C20orf96: variants seen among roughly 807,000 people sequenced by gnomAD.
C20orf96 encodes the protein uncharacterized protein C20orf96.
In C20orf96, 57 loss-of-function variants were observed where a neutral mutation model predicts 52.6. The observed-to-expected ratio is 1.08, with a 90% CI of 0.88 to 1.35. The LOEUF (loss-of-function observed/expected upper bound fraction) is 1.35, where lower values mean the gene tolerates loss of function less well. Among genes scored for constraint, C20orf96 ranks in the 40% most tolerant of loss-of-function variants. The pLI, the probability that C20orf96 is intolerant of heterozygous loss-of-function variation, is 0.00. For missense variants in C20orf96, 478 were observed against 443.6 expected (o/e 1.08, Z -0.70); for synonymous variants, 168 against 157.2 (o/e 1.07, Z -0.51).
rs1438732147 is a variant in C20orf96, at chr20:279,384, C to T, written c.307-54G>A. 38 of 1,549,098 alleles carry T rather than the reference C, an allele frequency of 2.5e-5. 1 individual carries two copies. Among genetic ancestry groups the T allele is most frequent in the South Asian group, 4.6e-5 (4 of 86,786 alleles). Reference sequence around the variant, plus strand: ...GGCGCTGCGCCCTGCCCGGCCTGAGCCCCCGAAAGCCCGTGGACCCGCCGC... The same window carrying T: ...GGCGCTGCGCCCTGCCCGGCCTGAGTCCCCGAAAGCCCGTGGACCCGCCGC... On this transcript the variant is annotated intron_variant, in intron 4 of 10. Transcript: ENST00000360321.
At chr20:279,444 T>G in intron 4 of C20orf96, 114 bp from the exon 5 acceptor site, 1 of 1,207,376 alleles carries the variant, frequency 8.3e-7, no homozygotes, top group Non-Finnish European at 1.1e-6. Context: ...CCGTGCGGCC[T>G]CCTGCTGGTA....
Position 279,152 on chromosome 20 carries a change from G to A in C20orf96, c.465+20C>T, listed in dbSNP as rs1298702578. The stretch of plus-strand genomic sequence containing the variant: ...GTTGGGACGGAGGGACGGAGGGCGG[G>A]CGGATGCCGCGGGTCTCACCGCCAG... On this transcript the variant is annotated intron_variant, in intron 5 of 10. Coordinates refer to ENST00000360321, the MANE Select transcript of C20orf96 (RefSeq NM_153269.3). 6.4e-7 allele frequency: 1 copy of A among 1,564,804 alleles called. No homozygotes were observed. Among genetic ancestry groups the A allele is most frequent in the Non-Finnish European group, 8.6e-7 (1 of 1,162,546 alleles).
chr20:283,574 G>C (rs920775560), intron 4 of C20orf96, among the ~76,000 whole-genome samples: 1 of 152,026 alleles, frequency 6.6e-6, no homozygotes, highest in Non-Finnish European at 1.5e-5. Flanking sequence ...AAAGTGCTGG[G>C]ATTATAGGCA....
Position 271,263 on chromosome 20 carries a change from T to A in C20orf96, c.1036A>T (p.Thr346Ser). The change falls in exon 11 of 11, where the codon ACC (threonine) becomes TCC (serine). Residue 346 changes from threonine to serine, a missense_variant. Physicochemically the swap from Thr to Ser is moderately conservative, Grantham distance 58. Transcript: ENST00000360321. The part of the protein sequence containing the change: ...EDVLLRRPKC[T>S]PDMDVILNIP... The stretch of plus-strand genomic sequence containing the variant: ...TTGAGGATGACATCCATGTCTGGGG[T>A]GCACCTGGTGGGAGGCAGCACAGAA... 1 of 1,553,542 alleles carries A rather than the reference T, an allele frequency of 6.4e-7. No individual in the cohort carries two copies. The highest frequency in any genetic ancestry group is 8.7e-7 in the Non-Finnish European group (1 of 1,148,272).
chr20:289,703 G>C, intron 2 of C20orf96, 27 bp from the exon 3 acceptor site: 1 of 1,555,800 alleles, frequency 6.4e-7, no homozygotes, highest in South Asian at 1.1e-5. Flanking sequence ...CAGTCACATA[G>C]CACCATGAGT....
intron 4 of C20orf96, among the ~76,000 whole-genome samples, chr20:281,761 T>C (rs2012260582): frequency 6.6e-6 from 1 of 152,222 alleles, no homozygotes; most frequent in African/African-American, 2.4e-5. Flanking sequence ...GAAGGACTAC[T>C]TGAGCCCAGG....
At chr20:289,852 G>C (rs1350070535) in intron 2 of C20orf96, among the ~76,000 whole-genome samples, 176 bp from the exon 3 acceptor site, 4 of 152,180 alleles carry the variant, frequency 2.6e-5, no homozygotes, top group South Asian at 2.1e-4. Flanking sequence ...AGAATTCTGA[G>C]AGATATTTAT....
intron 1 of C20orf96, 33 bp downstream of exon 1, chr20:290,558 T>C: frequency 6.3e-7 from 1 of 1,575,864 alleles, no homozygotes; most frequent in Non-Finnish European, 8.6e-7. Context: ...TCCGCCTTTC[T>C]TCCAATTTTT....
chr20:274,471 A>G (rs2011952681), intron 10 of C20orf96, among the ~76,000 whole-genome samples: 1 of 152,066 alleles, frequency 6.6e-6, no homozygotes, highest in Non-Finnish European at 1.5e-5. Context: ...GGGTGGTTCA[A>G]TTTGCCTAAT....
chr20:279,232 C>T lies in C20orf96; in HGVS notation c.405G>A (p.Glu135=), dbSNP rs141286886. 20 of 1,610,824 alleles carry T rather than the reference C, an allele frequency of 1.2e-5. No homozygotes were observed. The highest frequency in any genetic ancestry group is 5.5e-5 in the South Asian group (5 of 91,052). Reference sequence around the variant, plus strand: ...CGTGCAGGGTCGTGCTGTTCTCCATCTCCTGGATGGTCTCGATCAGCTCCC... The same window carrying T: ...CGTGCAGGGTCGTGCTGTTCTCCATTTCCTGGATGGTCTCGATCAGCTCCC... ...LNRELIETIQ[E]MENSTTLHVR... is the part of the protein sequence containing the mutation. Residue 135 remains glutamate, a synonymous_variant, in exon 5 of 11, where the codon GAG becomes GAA. Coordinates refer to ENST00000360321, the MANE Select transcript of C20orf96 (RefSeq NM_153269.3).
intron 1 of C20orf96, 23 bp downstream of exon 1, chr20:290,568 T>TTTTC (rs1407636397): frequency 1.2e-5 from 18 of 1,517,202 alleles, no homozygotes; most frequent in Non-Finnish European, 1.6e-5. Context: ...TTCCAATTTT[T>TTTTC]TTTTTTTTTT....
intron 6 of C20orf96, 31 bp downstream of exon 6, chr20:278,299 G>A (rs376868400): frequency 2.6e-6 from 4 of 1,544,272 alleles, no homozygotes; most frequent in Admixed American, 1.7e-5. Context: ...TGCCAGGGGG[G>A]AGGGTCAAGG....
Position 279,191 on chromosome 20 carries a change from T to TGCA in C20orf96, c.443_445dup (p.Leu148dup), listed in dbSNP as rs776197850. On this transcript the variant is annotated inframe_insertion, in exon 5 of 11. Transcript: ENST00000360321. ...TCTCACCGCCAGGGTGTCCTGCTGCTGCAGCAGGGCCCGCACGTGCAGGGT... is the reference window on the plus strand; with the variant it reads ...TCTCACCGCCAGGGTGTCCTGCTGCTGCAGCAGCAGGGCCCGCACGTGCAGGGT... 1.9e-6 allele frequency: 3 copies of TGCA among 1,601,038 alleles called. No individual in the cohort carries two copies. In the Admixed American group the frequency reaches 5.1e-5, roughly 27 times the overall value.
chr20:271,823 A>C (rs2011850720), intron 10 of C20orf96, among the ~76,000 whole-genome samples: 1 of 152,262 alleles, frequency 6.6e-6, no homozygotes, highest in African/African-American at 2.4e-5. Context: ...CCATGCCAGC[A>C]GGTAATAAGT....
chr20:283,066 T>C (rs1260970885), intron 4 of C20orf96, among the ~76,000 whole-genome samples: 2 of 152,248 alleles, frequency 1.3e-5, no homozygotes, highest in Non-Finnish European at 2.9e-5. Context: ...AGAATTATTC[T>C]ATAGTATTTT....
intron 10 of C20orf96, among the ~76,000 whole-genome samples, chr20:273,988 GAGAGAGAAAGAAAGAAAGAAAAAGAAA>G (rs2011931839): frequency 6.9e-6 from 1 of 144,462 alleles, no homozygotes; most frequent in South Asian, 2.3e-4. Flanking sequence ...GAGAAAGACA[GAGAGAGAAAGAAAGAAAGAAAAAGAAA>G]AGAGAGAAAG....
chr20:277,740 C>G (rs1004351019), intron 6 of C20orf96, among the ~76,000 whole-genome samples: 1 of 152,146 alleles, frequency 6.6e-6, no homozygotes, highest in African/African-American at 2.4e-5. Context: ...GATGGGGTGA[C>G]AGTGGCTCCC....
At chr20:279,086 GGGCGGGAC>G (rs2012158142) in intron 5 of C20orf96, 78 bp downstream of exon 5, 2 of 869,804 alleles carry the variant, frequency 2.3e-6, no homozygotes, top group African/African-American at 3.3e-5. Flanking sequence ...GAGGGACGGA[GGGCGGGAC>G]GGAGGGACGG....
intron 10 of C20orf96, among the ~76,000 whole-genome samples, chr20:273,295 G>A (rs981543913): frequency 3.3e-5 from 5 of 152,130 alleles, no homozygotes; most frequent in African/African-American, 1.2e-4. Flanking sequence ...TTTTCAAACT[G>A]ACTTTTTTGG....
Sources: gnomAD v4.1 joint callset for allele counts (sites outside exome capture counted in the v4.1 genomes callset) on GRCh38, gnomAD v4.1.1 for gene constraint, MANE v1.5 for transcripts, NCBI Gene and HGNC (gene_info 2026-07-23, HGNC 2026-07-21) for gene names.